OIT3: variants seen among roughly 807,000 people sequenced by gnomAD.
The protein encoded by OIT3 is oncoprotein-induced transcript 3 protein.
OIT3 carries 41 observed loss-of-function variants against 52.2 expected under a neutral mutation model. The ratio of observed to expected loss-of-function variants is 0.79; its 90% CI spans 0.61 to 1.02. The LOEUF is 1.02. OIT3 is among the 50% of genes least tolerant of loss of function. The probability of loss-of-function intolerance (pLI) is 0.00; values close to 1 mark genes in which losing one functional copy is unlikely to be tolerated. For missense variants in OIT3, 634 were observed against 715.5 expected, an observed-to-expected ratio of 0.89 and a Z score of 1.30; for synonymous variants, 244 against 276.9, an observed-to-expected ratio of 0.88 and a Z score of 1.18.
chr10:72,916,733 A>G (rs987492922), intron 6 of OIT3, among the ~76,000 whole-genome samples: 2 of 152,190 alleles, frequency 1.3e-5, no homozygotes, highest in African/African-American at 4.8e-5. Flanking sequence ...TTCTGTCTTC[A>G]GGTCTTTGAG....
chr10:72,918,844 G>C (rs896589664), intron 6 of OIT3, among the ~76,000 whole-genome samples: 2 of 152,052 alleles, frequency 1.3e-5, no homozygotes, highest in African/African-American at 4.8e-5. Flanking sequence ...GTCTGTTCTT[G>C]TACCAATACC....
At position 72,911,838 on chromosome 10, in the gene OIT3, A is replaced by C. The variant is rs1408713242; in HGVS notation, c.789A>C (p.Gln263His). The change falls in exon 5 of 9, where the codon CAA becomes CAC. Residue 263 changes from glutamine to histidine, a missense_variant and splice_region_variant. Gln to His is a conservative substitution (Grantham distance 24). Coordinates refer to ENST00000334011, the MANE Select transcript of OIT3 (RefSeq NM_152635.3). The stretch of plus-strand genomic sequence containing the variant: ...TGTCTGAGGATAACCACACTTGCCA[A>C]GGTAGTACATGGGGCAGGGGGACTT... ...LVLSEDNHTC[Q>H]VPVLCKSNAI... 3 of 1,612,930 alleles carry C rather than the reference A, an allele frequency of 1.9e-6. No individual in the cohort carries two copies. The South Asian group carries it at 3.3e-5, about 18-fold the overall frequency.
chr10:72,907,541 C>T (rs906902165), intron 4 of OIT3, among the ~76,000 whole-genome samples: 12 of 152,274 alleles, frequency 7.9e-5, no homozygotes, highest in Admixed American at 3.9e-4. Flanking sequence ...GGGGCTTTTA[C>T]GCTTAGCCCC....
At chr10:72,911,611 C>A in intron 4 of OIT3, 106 bp from the exon 5 acceptor site, 2 of 1,177,900 alleles carry the variant, frequency 1.7e-6, no homozygotes, top group Non-Finnish European at 2.4e-6. Context: ...AGGTTAGGCA[C>A]CAGGGATGCT....
intron 1 of OIT3, among the ~76,000 whole-genome samples, chr10:72,897,574 G>A (rs1322425389): frequency 6.6e-6 from 1 of 152,198 alleles, no homozygotes; most frequent in Non-Finnish European, 1.5e-5. Flanking sequence ...GTATTTCAAA[G>A]TAGGTGACAT....
intron 8 of OIT3, among the ~76,000 whole-genome samples, chr10:72,931,973 G>GACAGCACAAGTGCATGGGAGCC (rs1357558302): frequency 2.6e-5 from 4 of 152,204 alleles, no homozygotes; most frequent in Admixed American, 6.5e-5. Flanking sequence ...CTGGTTATTT[G>GACAGCACAAGTGCATGGGAGCC]ACAGCACAAG....
chr10:72,917,768 C>A, intron 6 of OIT3: 1 of 1,405,598 alleles, frequency 7.1e-7, no homozygotes, highest in South Asian at 1.1e-5. Flanking sequence ...TACTTGCTTG[C>A]ATTTTTGCTT....
chr10:72,930,556 G>A lies in OIT3; in HGVS notation c.1386G>A (p.Ser462=), dbSNP rs747774590. 1.1e-5 allele frequency: 17 copies of A among 1,613,030 alleles called. No homozygotes were observed. In the East Asian group the frequency reaches 1.6e-4, roughly 15 times the overall value. Residue 462 remains serine, a synonymous_variant, in exon 8 of 9, where the codon TCG becomes TCA. Coordinates refer to ENST00000334011, the MANE Select transcript of OIT3 (RefSeq NM_152635.3). ...CTTTCAGCTGTGTTTCAGATGACTC[G>A]GTAAAGCAGTACACATCCCGGGATC... ...LIRDGCVSDD[S]VKQYTSRDHL...
At chr10:72,906,188 A>G (rs1333474983) in intron 3 of OIT3, among the ~76,000 whole-genome samples, 1 of 152,168 alleles carries the variant, frequency 6.6e-6, no homozygotes, top group Non-Finnish European at 1.5e-5. Context: ...TTTATCAGCT[A>G]TTTCCTTCTG....
intron 6 of OIT3, among the ~76,000 whole-genome samples, chr10:72,917,477 T>G (rs1246611554): frequency 6.6e-6 from 1 of 152,176 alleles, no homozygotes; most frequent in Non-Finnish European, 1.5e-5. Flanking sequence ...TAAACAGGCA[T>G]TTTGGACAAC....
intron 3 of OIT3, among the ~76,000 whole-genome samples, chr10:72,904,856 G>A (rs1227548436): frequency 6.6e-6 from 1 of 152,128 alleles, no homozygotes; most frequent in African/African-American, 2.4e-5. Flanking sequence ...AATACCTGAG[G>A]CTGGGTAATT....
Position 72,924,417 on chromosome 10 carries a change from G to A in OIT3, c.1140G>A (p.Met380Ile), listed in dbSNP as rs367937750. Residue 380 changes from methionine (M) to isoleucine (I), a missense_variant, in exon 7 of 9, where the codon ATG becomes ATA. Met to Ile is a conservative substitution (Grantham distance 10, BLOSUM62 1). Coordinates refer to ENST00000334011, the MANE Select transcript of OIT3 (RefSeq NM_152635.3). ...PNLRNSPLEIMSRNHGIFPFT... is the reference protein window; with the variant it reads ...PNLRNSPLEIISRNHGIFPFT... ...TTCGAAACTCCCCACTGGAAATCAT[G>A]AGCCGAAATCATGGGATCTTCCCAT... 6.2e-7 allele frequency: 1 copy of A among 1,614,144 alleles called. No homozygotes were observed. The highest frequency in any genetic ancestry group is 1.3e-5 in the African/African-American group (1 of 75,042).
chr10:72,907,656 T>C (rs1028182143), intron 4 of OIT3, among the ~76,000 whole-genome samples: 12 of 152,214 alleles, frequency 7.9e-5, no homozygotes, highest in African/African-American at 2.9e-4. Flanking sequence ...TCTTGGAAGT[T>C]TGAGAAACTG....
chr10:72,895,045 G>T (rs1845862269), intron 1 of OIT3, among the ~76,000 whole-genome samples: 1 of 152,108 alleles, frequency 6.6e-6, no homozygotes. Context: ...TCAATAGTGG[G>T]TCATTAATGT....
intron 6 of OIT3, among the ~76,000 whole-genome samples, chr10:72,916,816 T>G: frequency 6.6e-6 from 1 of 152,220 alleles, no homozygotes; most frequent in African/African-American, 2.4e-5. Context: ...ACATTCCTTT[T>G]TCTCCACAAC....
intron 3 of OIT3, among the ~76,000 whole-genome samples, chr10:72,902,476 A>G (rs1167298289): frequency 6.6e-6 from 1 of 152,152 alleles, no homozygotes; most frequent in Non-Finnish European, 1.5e-5. Flanking sequence ...ATTTTCTTAT[A>G]TGTGCTTCCA....
intron 6 of OIT3, among the ~76,000 whole-genome samples, chr10:72,920,071 T>G (rs1205099201): frequency 6.6e-6 from 1 of 152,208 alleles, no homozygotes; most frequent in Non-Finnish European, 1.5e-5. Flanking sequence ...TGAATCTGTC[T>G]GGTCCTGGGC....
chr10:72,894,793 C>T (rs989408801), intron 1 of OIT3, among the ~76,000 whole-genome samples: 4 of 151,938 alleles, frequency 2.6e-5, no homozygotes, highest in Admixed American at 1.3e-4. Context: ...GAGGCTGAGG[C>T]GGGAGAATCA....
intron 6 of OIT3, among the ~76,000 whole-genome samples, chr10:72,922,614 T>C (rs963301195): frequency 2.6e-5 from 4 of 152,212 alleles, no homozygotes; most frequent in South Asian, 2.1e-4. Flanking sequence ...CTTCCTTGCA[T>C]TGAGTTAGAA....
Sources: gnomAD v4.1 joint callset for allele counts (sites outside exome capture counted in the v4.1 genomes callset) on GRCh38, gnomAD v4.1.1 for gene constraint, MANE v1.5 for transcripts, NCBI Gene and HGNC (gene_info 2026-07-23, HGNC 2026-07-21) for gene names.